The following APBB2 variants were observed in gnomAD, a reference collection of about 807,000 sequenced individuals.
The protein encoded by APBB2 is amyloid beta precursor protein binding family B member 2.
Under a neutral mutation model 82.5 loss-of-function variants are expected in APBB2, and 38 were observed. That is an observed-to-expected ratio of 0.46 (90% CI 0.36 to 0.60). The LOEUF is 0.60. Among genes scored for constraint, APBB2 ranks in the 20% least tolerant of loss-of-function variants. The pLI is 0.00. For missense variants in APBB2, 772 were observed against 972.3 expected (o/e 0.79, Z 2.74); for synonymous variants, 341 against 368.2 (o/e 0.93, Z 0.85).
intron 6 of APBB2, among the ~76,000 whole-genome samples, chr4:40,954,132 C>A (rs1790954572): frequency 6.6e-6 from 1 of 152,174 alleles, no homozygotes; most frequent in Admixed American, 6.5e-5. Context: ...CTTCTAATAA[C>A]CCTCTTCCCC....
chr4:40,835,703 G>T (rs1433222714), intron 12 of APBB2, among the ~76,000 whole-genome samples: 1 of 152,214 alleles, frequency 6.6e-6, no homozygotes, highest in Non-Finnish European at 1.5e-5. Flanking sequence ...AATATTACAG[G>T]TGACCCCATG....
chr4:41,039,868 T>C (rs1264719224), intron 4 of APBB2, among the ~76,000 whole-genome samples: 7 of 151,906 alleles, frequency 4.6e-5, no homozygotes, highest in Non-Finnish European at 8.8e-5. Flanking sequence ...CTGCTATTAT[T>C]GCTGTTGTTA....
At chr4:41,067,238 C>T (rs940615976) in intron 3 of APBB2, among the ~76,000 whole-genome samples, 10 of 151,998 alleles carry the variant, frequency 6.6e-5, no homozygotes, top group Non-Finnish European at 1.5e-4. Context: ...GGAGAAACCC[C>T]ATCTCTACTA....
chr4:41,008,865 T>C (rs1807530462), intron 6 of APBB2, among the ~76,000 whole-genome samples: 1 of 152,228 alleles, frequency 6.6e-6, no homozygotes, highest in Admixed American at 6.5e-5. Context: ...AGTTAATGGA[T>C]CATGAGGCGC....
At chr4:41,019,962 G>T (rs1156504633) in intron 5 of APBB2, among the ~76,000 whole-genome samples, 1 of 151,450 alleles carries the variant, frequency 6.6e-6, no homozygotes, top group Non-Finnish European at 1.5e-5. Context: ...CGAAGAGAGA[G>T]GAGGGAAAGA....
At position 40,819,176 on chromosome 4, in the gene APBB2, C is replaced by CTTT. The variant is rs1188181954; in HGVS notation, c.2112+2692_2112+2694dup. Among the ~76,000 whole-genome samples, 174 of 135,204 alleles carry CTTT rather than the reference C, an allele frequency of 1.3e-3. 1 individual carries two copies. The highest frequency in any genetic ancestry group is 3.5e-3 in the African/African-American group (126 of 36,050). The allele number at this position is 135,204 out of a possible 152,430, so 88.7% of individuals were successfully genotyped here. A position where few individuals can be genotyped will look rare whatever the true frequency, so the allele number is the denominator to read the frequency against. Reference sequence around the variant, plus strand: ...AGGCTAAGTCCCTCCCCTTGGCTCTCTTTTTTTTTTTTCTTTTTTTTTTTT... The same window carrying CTTT: ...AGGCTAAGTCCCTCCCCTTGGCTCTCTTTTTTTTTTTTTTTCTTTTTTTTTTTT... On this transcript the variant is annotated intron_variant, in intron 17 of 17. Transcript: ENST00000508593.
At chr4:41,202,744 TG>T (rs1410743551) in intron 1 of APBB2, among the ~76,000 whole-genome samples, 1 of 152,222 alleles carries the variant, frequency 6.6e-6, no homozygotes, top group African/African-American at 2.4e-5. Flanking sequence ...TGTGCTTTAA[TG>T]AAAATCTGTA....
At chr4:41,012,607 C>T (rs1389223531) in intron 6 of APBB2, among the ~76,000 whole-genome samples, 1 of 152,124 alleles carries the variant, frequency 6.6e-6, no homozygotes, top group African/African-American at 2.4e-5. Flanking sequence ...CTTAACTCCT[C>T]TTTTCCTTAT....
chr4:41,090,827 A>G (rs1741427245), intron 3 of APBB2, among the ~76,000 whole-genome samples: 1 of 152,184 alleles, frequency 6.6e-6, no homozygotes, highest in Non-Finnish European at 1.5e-5. Flanking sequence ...AAAAAATGAA[A>G]TAAAGACCAC....
chr4:40,982,221 G>GAAAAGAAAGAAA (rs766666523), intron 6 of APBB2, among the ~76,000 whole-genome samples: 466 of 12,884 alleles, frequency 0.036, 109 homozygotes, highest in Middle Eastern at 0.045. Flanking sequence ...AGAAAAGAAA[G>GAAAAGAAAGAAA]GAAAGAAAGA....
At chr4:40,972,786 T>C (rs1018521879) in intron 6 of APBB2, among the ~76,000 whole-genome samples, 2 of 152,220 alleles carry the variant, frequency 1.3e-5, no homozygotes, top group African/African-American at 4.8e-5. Flanking sequence ...GTGAATACAG[T>C]TGGTGACATT....
Position 41,190,241 on chromosome 4 carries a change from ATTTTT to A in APBB2, c.-417+24159_-417+24163del, listed in dbSNP as rs1160837303. ...ATCAAAAGAATTTCCTACATAGGCT[ATTTTT>A]TTTTTTTTTTTTTTTTTTTTTTTGA... On this transcript the variant is annotated intron_variant, in intron 1 of 17. Coordinates refer to ENST00000508593, the MANE Select transcript of APBB2 (RefSeq NM_004307.2). Among the ~76,000 whole-genome samples the A allele has an allele frequency of 6.1e-4, 44 of 71,796 alleles. No homozygotes were observed. The East Asian group carries it at 0.015, about 25-fold the overall frequency. The allele number at this position is 71,796 out of a possible 152,430, so 47.1% of individuals were successfully genotyped here.
At chr4:41,035,491 T>G (rs1456273903) in intron 4 of APBB2, among the ~76,000 whole-genome samples, 1 of 152,240 alleles carries the variant, frequency 6.6e-6, no homozygotes, top group Non-Finnish European at 1.5e-5. Flanking sequence ...TATTTCACAA[T>G]TCCATTTTCC....
At position 41,013,707 on chromosome 4, in the gene APBB2, C is replaced by T. The variant is rs1809050116; in HGVS notation, c.711G>A (p.Pro237=). The change falls in exon 6 of 18, where the codon CCG becomes CCA. Residue 237 remains proline, a synonymous_variant. Transcript: ENST00000508593. ...SSSPETKKDH[P]KTGAKTDCAL... ...CACAGTCGGTTTTGGCCCCTGTTTTCGGATGATCCTTCTTGGTTTCTGGGC... is the reference window on the plus strand; with the variant it reads ...CACAGTCGGTTTTGGCCCCTGTTTTTGGATGATCCTTCTTGGTTTCTGGGC... 1.5e-5 allele frequency: 24 copies of T among 1,614,082 alleles called. No individual in the cohort carries two copies. Among genetic ancestry groups the T allele is most frequent in the Non-Finnish European group, 1.9e-5 (23 of 1,180,024 alleles).
In APBB2 at chr4:40,816,190, C is replaced by A. The variant is rs755636763; in HGVS notation, c.2182G>T (p.Asp728Tyr). ...GTTGTGACTCTTCTGGTTACTGAATCTGCTGGCGGTGGAGGTGGTCGAACT... is the reference window on the plus strand; with the variant it reads ...GTTGTGACTCTTCTGGTTACTGAATATGCTGGCGGTGGAGGTGGTCGAACT... ...QKVRPPPPPA[D>Y]SVTRRVTTNV... The change falls in exon 18 of 18, where the codon GAT (aspartate) becomes TAT (tyrosine). Residue 728 changes from aspartate to tyrosine, a missense_variant. Asp to Tyr is a radical substitution (Grantham distance 160). Transcript: ENST00000508593. The A allele has an allele frequency of 2.5e-6, 4 of 1,614,254 alleles. No individual in the cohort carries two copies. Among genetic ancestry groups the A allele is most frequent in the Non-Finnish European group, 3.4e-6 (4 of 1,180,050 alleles).
Position 40,811,380 on chromosome 4 carries a change from C to T in APBB2, c.*4712G>A, listed in dbSNP as rs546358201. The T allele has an allele frequency of 1.3e-5, 2 of 152,124 alleles. No homozygotes were observed. The highest frequency in any genetic ancestry group is 2.9e-5 in the Non-Finnish European group (2 of 68,008). The allele number at this position is 152,124 out of a possible 1,614,324, so 9.4% of individuals were successfully genotyped here. On this transcript the variant is annotated 3_prime_UTR_variant, in exon 18 of 18. Coordinates refer to ENST00000508593, the MANE Select transcript of APBB2 (RefSeq NM_004307.2). ...ACCAGCCTGGCCAACGTGGCGAAAC[C>T]CTGTCTCTACTAAAAATATACAAAT... is the stretch of plus-strand genomic sequence containing the variant.
intron 13 of APBB2, 90 bp downstream of exon 13, chr4:40,830,373 T>C: frequency 1.2e-6 from 1 of 839,160 alleles, no homozygotes; most frequent in Non-Finnish European, 2.0e-6. Flanking sequence ...CAACTGCAGG[T>C]TGATGTGCCC....
intron 5 of APBB2, among the ~76,000 whole-genome samples, chr4:41,031,168 T>C (rs1168636952): frequency 4.6e-5 from 7 of 152,168 alleles, no homozygotes; most frequent in Non-Finnish European, 7.4e-5. Context: ...AAGGTTGCAG[T>C]GAACCAAGAT....
rs142359066 is a variant in APBB2, at chr4:40,872,884, G to A, written c.1529+17480C>T. Among the ~76,000 whole-genome samples, 1,031 of 151,858 alleles carry A rather than the reference G, an allele frequency of 6.8e-3. 16 individuals carry two copies. The highest frequency in any genetic ancestry group is 0.024 in the African/African-American group (987 of 41,418). ...GTGGATCACCTCAGGTCAGGAGTTC[G>A]AGACCAGCCTGGCCAACATGGTGAA... On this transcript the variant is annotated intron_variant, in intron 12 of 17. Transcript: ENST00000508593.
Sources: allele counts gnomAD v4.1 joint callset (sites outside exome capture counted in the v4.1 genomes callset), GRCh38; gene constraint gnomAD v4.1.1; transcripts MANE v1.5; gene names NCBI Gene and HGNC (gene_info 2026-07-23, HGNC 2026-07-21).